ADARB2: variants seen among roughly 807,000 people sequenced by gnomAD.
The protein encoded by ADARB2 is inactive double-stranded RNA-specific editase B2.
A neutral mutation model predicts 62.2 loss-of-function variants in ADARB2; 25 were observed. That is an observed-to-expected ratio of 0.40 (90% CI 0.29 to 0.56). ADARB2 has a LOEUF of 0.56. Ranked by LOEUF, ADARB2 falls within the 20% of genes least tolerant of loss-of-function variation. The pLI is 0.43. For synonymous variants in ADARB2, 572 were observed against 500.8 expected (o/e 1.14, Z -1.90); for missense variants, 1,071 against 1,077.4 (o/e 0.99, Z 0.08).
intron 1 of ADARB2, among the ~76,000 whole-genome samples, chr10:1,401,688 G>C (rs1832664787): frequency 6.6e-6 from 1 of 152,012 alleles, no homozygotes; most frequent in Admixed American, 6.5e-5. Flanking sequence ...ACGGCGGTTT[G>C]GGAGTGGGGT....
chr10:1,301,743 G>A (rs1400672369), intron 3 of ADARB2, among the ~76,000 whole-genome samples: 1 of 152,132 alleles, frequency 6.6e-6, no homozygotes, highest in African/African-American at 2.4e-5. Context: ...TAACACCTCT[G>A]GTATAATCCT....
At chr10:1,365,292 C>G (rs188401401) in intron 2 of ADARB2, among the ~76,000 whole-genome samples, 1 of 152,204 alleles carries the variant, frequency 6.6e-6, no homozygotes, top group Admixed American at 6.5e-5. Flanking sequence ...TGGATCGCAC[C>G]CACTTAAGAC....
At chr10:1,302,797 A>G (rs1831587338) in intron 3 of ADARB2, among the ~76,000 whole-genome samples, 1 of 152,212 alleles carries the variant, frequency 6.6e-6, no homozygotes, top group East Asian at 1.9e-4. Context: ...GGGTACTCCA[A>G]CAGACCTGCA....
intron 3 of ADARB2, among the ~76,000 whole-genome samples, chr10:1,297,983 C>T (rs960287720): frequency 6.6e-6 from 1 of 152,238 alleles, no homozygotes. Flanking sequence ...AAACTTCTGT[C>T]ATTTCAGCCA....
At chr10:1,205,134 C>T (rs373351599) in intron 7 of ADARB2, among the ~76,000 whole-genome samples, 14 of 152,334 alleles carry the variant, frequency 9.2e-5, no homozygotes, top group African/African-American at 3.1e-4. Context: ...GGCCTCCAAC[C>T]GCCCCAGCTG....
intron 3 of ADARB2, among the ~76,000 whole-genome samples, chr10:1,323,268 A>G (rs1021825852): frequency 2.8e-5 from 4 of 144,026 alleles, no homozygotes; most frequent in African/African-American, 1.0e-4. Flanking sequence ...AAAAAAAAAA[A>G]CACTGTTAGG....
At chr10:1,459,064 G>T (rs935968273) in intron 1 of ADARB2, among the ~76,000 whole-genome samples, 2 of 152,154 alleles carry the variant, frequency 1.3e-5, no homozygotes, top group African/African-American at 4.8e-5. Context: ...AGGTTGTGGA[G>T]AAAAAGGAAC....
chr10:1,277,740 C>T (rs1347628383), intron 3 of ADARB2, among the ~76,000 whole-genome samples: 1 of 152,142 alleles, frequency 6.6e-6, no homozygotes, highest in African/African-American at 2.4e-5. Flanking sequence ...GGGACTCCTC[C>T]CTAACTCATT....
chr10:1,231,598 C>T (rs540748517), intron 6 of ADARB2, among the ~76,000 whole-genome samples: 1 of 152,306 alleles, frequency 6.6e-6, no homozygotes, highest in African/African-American at 2.4e-5. Context: ...CTCTCTCTCC[C>T]TACTGCAGGA....
chr10:1,474,921 C>G (rs1831378871), intron 1 of ADARB2, among the ~76,000 whole-genome samples: 1 of 152,152 alleles, frequency 6.6e-6, no homozygotes, highest in African/African-American at 2.4e-5. Context: ...TGGACCGAGC[C>G]CGGGGCCTCA....
At chr10:1,698,408 T>C (rs1834775746) in intron 1 of ADARB2, among the ~76,000 whole-genome samples, 1 of 152,182 alleles carries the variant, frequency 6.6e-6, no homozygotes, top group South Asian at 2.1e-4. Context: ...CGACCTCCGA[T>C]GTCATGCACA....
At chr10:1,362,920 C>T (rs1832273430) in intron 3 of ADARB2, 108 bp downstream of exon 3, 2 of 1,066,318 alleles carry the variant, frequency 1.9e-6, no homozygotes, top group Non-Finnish European at 2.4e-6. Flanking sequence ...CTCCACGCGG[C>T]CTCTCCTTCT....
At chr10:1,662,478 T>C (rs1834261525) in intron 1 of ADARB2, among the ~76,000 whole-genome samples, 1 of 152,206 alleles carries the variant, frequency 6.6e-6, no homozygotes, top group African/African-American at 2.4e-5. Flanking sequence ...CAAGGGTTTT[T>C]CAGAGGACTC....
chr10:1,216,697 C>T (rs1296908213), intron 7 of ADARB2: 13 of 539,242 alleles, frequency 2.4e-5, no homozygotes, highest in East Asian at 7.2e-5. Context: ...GGGCCTTGCT[C>T]GGGGCTGTTT....
At chr10:1,639,581 A>T (rs1186054947) in intron 1 of ADARB2, among the ~76,000 whole-genome samples, 1 of 152,210 alleles carries the variant, frequency 6.6e-6, no homozygotes, top group Non-Finnish European at 1.5e-5. Flanking sequence ...GCAGTGGCTC[A>T]CGCCTGTCAT....
At chr10:1,222,091 A>G (rs1009701419) in intron 6 of ADARB2, among the ~76,000 whole-genome samples, 2 of 152,144 alleles carry the variant, frequency 1.3e-5, no homozygotes, top group Middle Eastern at 6.8e-3. Flanking sequence ...GTTTCCTGAC[A>G]TTTTACTGAT....
chr10:1,399,604 G>A (rs1832645402), intron 1 of ADARB2, among the ~76,000 whole-genome samples: 1 of 152,198 alleles, frequency 6.6e-6, no homozygotes, highest in East Asian at 1.9e-4. Flanking sequence ...AAGAGGGGGA[G>A]TGTGACAGAT....
At chr10:1,464,872 A>G (rs1472222566) in intron 1 of ADARB2, among the ~76,000 whole-genome samples, 1 of 152,194 alleles carries the variant, frequency 6.6e-6, no homozygotes, top group Non-Finnish European at 1.5e-5. Context: ...CACTCGGCGG[A>G]GGCCCCGGTG....
At chr10:1,492,254 A>G (rs1205378615) in intron 1 of ADARB2, among the ~76,000 whole-genome samples, 1 of 152,178 alleles carries the variant, frequency 6.6e-6, no homozygotes, top group African/African-American at 2.4e-5. Flanking sequence ...TATGTGTTCA[A>G]CGGTGTCCCA....
Sources: allele counts gnomAD v4.1 joint callset (sites outside exome capture counted in the v4.1 genomes callset), GRCh38; gene constraint gnomAD v4.1.1; transcripts MANE v1.5; gene names NCBI Gene and HGNC (gene_info 2026-07-23, HGNC 2026-07-21).